Variants in SLC24A2 observed in about 807,000 individuals in gnomAD.
The protein encoded by SLC24A2 is solute carrier family 24 member 2.
In SLC24A2, 36 loss-of-function variants were observed where a neutral mutation model predicts 62.0. The observed-to-expected ratio is 0.58, with a 90% CI of 0.44 to 0.77. The LOEUF is 0.77. SLC24A2 is among the 30% of genes least tolerant of loss of function. SLC24A2 has a pLI of 0.00. For synonymous variants in SLC24A2, 358 were observed against 294.0 expected (o/e 1.22, Z -2.23); for missense variants, 846 against 817.9 (o/e 1.03, Z -0.42).
At chr9:20,263,873 C>CTCCG in the SLC24A2 span, among the ~76,000 whole-genome samples, 1 of 125,820 alleles carries the variant, frequency 7.9e-6, no homozygotes, top group African/African-American at 2.9e-5. Flanking sequence ...CCCCCCCCCC[C>CTCCG]CATTAAGGCT....
chr9:20,006,494 G>A, the SLC24A2 span, among the ~76,000 whole-genome samples: 1 of 151,944 alleles, frequency 6.6e-6, no homozygotes, highest in Admixed American at 6.6e-5. Context: ...ACACAAAAAA[G>A]GATAAATGCT....
rs535699416 is a variant in SLC24A2, at chr9:19,727,250, G to C, written c.930+58687C>G. On this transcript the variant is annotated intron_variant, in intron 2 of 10. Transcript: ENST00000341998. ...TTTATGTGGATAAAACCAAAGAAGA[G>C]GGGGATCTGTATACAGTGATATTTT... 2.6e-5 allele frequency among the ~76,000 whole-genome samples: 4 copies of C among 152,234 alleles called. No individual in the cohort carries two copies. In the South Asian group the frequency reaches 8.3e-4, roughly 32 times the overall value.
chr9:19,795,497 T>G, the SLC24A2 span, among the ~76,000 whole-genome samples: 1 of 152,228 alleles, frequency 6.6e-6, no homozygotes. Flanking sequence ...ACTGTAAATC[T>G]TTCTCCCTGA....
At chr9:20,248,053 A>G in the SLC24A2 span, among the ~76,000 whole-genome samples, 2 of 152,234 alleles carry the variant, frequency 1.3e-5, no homozygotes, top group Admixed American at 1.3e-4. Context: ...TGGATGTCAG[A>G]AAATCCAGAT....
the SLC24A2 span, among the ~76,000 whole-genome samples, chr9:19,803,927 T>G: frequency 6.6e-6 from 1 of 152,164 alleles, no homozygotes; most frequent in Non-Finnish European, 1.5e-5. Context: ...AAAATATACA[T>G]TTCTCTTGTT....
chr9:19,715,029 T>G (rs1348184005), intron 2 of SLC24A2, among the ~76,000 whole-genome samples: 1 of 151,930 alleles, frequency 6.6e-6, no homozygotes, highest in Non-Finnish European at 1.5e-5. Context: ...TGCCTCAACC[T>G]TTCCCCCTAA....
the SLC24A2 span, among the ~76,000 whole-genome samples, chr9:19,893,645 A>G: frequency 6.6e-6 from 1 of 152,176 alleles, no homozygotes; most frequent in Non-Finnish European, 1.5e-5. Flanking sequence ...TCATTTTTAT[A>G]TATAGGAGGA....
chr9:19,539,337 C>T (rs1834138527), intron 8 of SLC24A2, among the ~76,000 whole-genome samples: 1 of 144,112 alleles, frequency 6.9e-6, no homozygotes, highest in Non-Finnish European at 1.5e-5. Context: ...CTCTTGTAGG[C>T]ATTTAGTGCT....
the SLC24A2 span, among the ~76,000 whole-genome samples, chr9:20,301,094 G>A: frequency 1.3e-5 from 2 of 152,160 alleles, no homozygotes; most frequent in Non-Finnish European, 2.9e-5. Context: ...CACCTGAAGA[G>A]GCCACAAAGG....
chr9:19,682,188 G>A (rs570109343), intron 2 of SLC24A2, among the ~76,000 whole-genome samples: 6 of 152,212 alleles, frequency 3.9e-5, no homozygotes, highest in African/African-American at 1.4e-4. Flanking sequence ...CTATAACAAT[G>A]CTCACCTGCA....
At chr9:20,261,220 T>C in the SLC24A2 span, among the ~76,000 whole-genome samples, 56 of 152,238 alleles carry the variant, frequency 3.7e-4, no homozygotes, top group Non-Finnish European at 7.6e-4. Context: ...ACTGAGAACA[T>C]ACAATGTCTG....
At chr9:19,521,394 G>A (rs1833192524) in intron 9 of SLC24A2, among the ~76,000 whole-genome samples, 1 of 152,198 alleles carries the variant, frequency 6.6e-6, no homozygotes, top group Non-Finnish European at 1.5e-5. Context: ...ATTGGCCATG[G>A]AATCCAGGGG....
At chr9:20,304,388 A>G in the SLC24A2 span, among the ~76,000 whole-genome samples, 1 of 152,236 alleles carries the variant, frequency 6.6e-6, no homozygotes, top group South Asian at 2.1e-4. Flanking sequence ...AGATATTTAG[A>G]AAGAGTCCAT....
chr9:19,583,058 T>TC (rs1221299384), intron 5 of SLC24A2, among the ~76,000 whole-genome samples: 2 of 152,070 alleles, frequency 1.3e-5, no homozygotes, highest in Admixed American at 6.6e-5. Flanking sequence ...GGCACTTACT[T>TC]CTCTGCAAAA....
At chr9:20,003,799 C>T in the SLC24A2 span, among the ~76,000 whole-genome samples, 59 of 151,696 alleles carry the variant, frequency 3.9e-4, no homozygotes, top group Non-Finnish European at 7.1e-4. Context: ...AGGTAGTGGA[C>T]CAGATTTGAC....
At chr9:19,665,552 G>A (rs1314977698) in intron 2 of SLC24A2, among the ~76,000 whole-genome samples, 1 of 152,126 alleles carries the variant, frequency 6.6e-6, no homozygotes, top group African/African-American at 2.4e-5. Flanking sequence ...AAGTAGATAT[G>A]TATTGCCTGT....
intron 2 of SLC24A2, among the ~76,000 whole-genome samples, chr9:19,674,019 T>C (rs1819495424): frequency 6.6e-6 from 1 of 152,206 alleles, no homozygotes; most frequent in Non-Finnish European, 1.5e-5. Flanking sequence ...TTTCAAGGAT[T>C]TGTTTCAAGA....
chr9:19,521,880 T>TC (rs1833220184), intron 9 of SLC24A2, among the ~76,000 whole-genome samples: 2 of 151,988 alleles, frequency 1.3e-5, no homozygotes, highest in Non-Finnish European at 2.9e-5. Flanking sequence ...TTTTCTTTTT[T>TC]TTTTTTTGGT....
chr9:20,127,477 C>T, the SLC24A2 span, among the ~76,000 whole-genome samples: 1 of 151,974 alleles, frequency 6.6e-6, no homozygotes, highest in East Asian at 1.9e-4. Context: ...TCAGGAGGTG[C>T]AAAAATGGAA....
Sources: allele counts gnomAD v4.1 joint callset (sites outside exome capture counted in the v4.1 genomes callset), GRCh38; gene constraint gnomAD v4.1.1; transcripts MANE v1.5; gene names NCBI Gene and HGNC (gene_info 2026-07-23, HGNC 2026-07-21).